C12orf42: variants seen among roughly 807,000 people sequenced by gnomAD.
The protein encoded by C12orf42 is chromosome 12 open reading frame 42.
Under a neutral mutation model 21.6 loss-of-function variants are expected in C12orf42, and 25 were observed. That is an observed-to-expected ratio of 1.16 (90% CI 0.84 to 1.62). The LOEUF is 1.62. Among genes scored for constraint, C12orf42 ranks in the 40% most tolerant of loss-of-function variants. The pLI is 0.00. For missense variants in C12orf42, 483 were observed against 459.3 expected, an observed-to-expected ratio of 1.05 and a Z score of -0.47; for synonymous variants, 174 against 175.0, an observed-to-expected ratio of 0.99 and a Z score of 0.05.
the C12orf42 span, among the ~76,000 whole-genome samples, chr12:103,540,508 A>G: frequency 6.6e-6 from 1 of 152,114 alleles, no homozygotes; most frequent in African/African-American, 2.4e-5. Context: ...TAGAATGTTT[A>G]TATTTTTCCC....
rs12423213 is a variant in C12orf42 at position 103,331,845 on chromosome 12, A to G, written c.260-25500T>C. Reference sequence around the variant, plus strand: ...AGGGTATCTATAGTCATTGCCCACAAGGGGGAAGACACAGGATAGCAGTAT... The same window carrying G: ...AGGGTATCTATAGTCATTGCCCACAGGGGGGAAGACACAGGATAGCAGTAT... On this transcript the variant is annotated intron_variant, in intron 4 of 5. Transcript: ENST00000548883. 0.013 allele frequency among the ~76,000 whole-genome samples: 1,996 copies of G among 152,288 alleles called. 131 individuals carry two copies. The East Asian group carries it at 0.22, about 17-fold the overall frequency.
chr12:103,285,557 C>A (rs1446335160), intron 4 of C12orf42, among the ~76,000 whole-genome samples: 6 of 151,912 alleles, frequency 3.9e-5, no homozygotes, highest in Admixed American at 2.6e-4. Context: ...AAGGAAGAAG[C>A]CTTTGATAGA....
the C12orf42 span, among the ~76,000 whole-genome samples, chr12:103,180,214 CT>C: frequency 2.0e-5 from 3 of 151,772 alleles, no homozygotes; most frequent in Non-Finnish European, 4.4e-5. Flanking sequence ...TGGTTTGTGG[CT>C]CTTCAAAGGG....
the C12orf42 span, among the ~76,000 whole-genome samples, chr12:103,217,511 A>G: frequency 6.7e-6 from 1 of 149,926 alleles, no homozygotes; most frequent in Admixed American, 6.6e-5. Flanking sequence ...CTTAGGGGTG[A>G]CAGAGTGAGA....
At chr12:103,318,407 A>G (rs1338928183) in intron 4 of C12orf42, among the ~76,000 whole-genome samples, 1 of 152,178 alleles carries the variant, frequency 6.6e-6, no homozygotes, top group East Asian at 1.9e-4. Flanking sequence ...CTTCAATCTT[A>G]TTATAGAATA....
the C12orf42 span, among the ~76,000 whole-genome samples, chr12:103,083,092 C>T: frequency 6.6e-5 from 10 of 152,084 alleles, no homozygotes; most frequent in African/African-American, 2.4e-4. Flanking sequence ...TGACTGGGCA[C>T]GGTGGCTGAC....
intron 2 of C12orf42, among the ~76,000 whole-genome samples, chr12:103,459,749 T>G (rs542366193): frequency 1.3e-5 from 2 of 152,328 alleles, no homozygotes; most frequent in South Asian, 2.1e-4. Flanking sequence ...AAGGGACACT[T>G]AGATAAAGCC....
At chr12:103,108,657 G>T in the C12orf42 span, among the ~76,000 whole-genome samples, 378 of 152,194 alleles carry the variant, frequency 2.5e-3, 1 homozygote, top group Non-Finnish European at 4.0e-3. Context: ...CATAAGTATT[G>T]ATAGAAGCAT....
intron 4 of C12orf42, among the ~76,000 whole-genome samples, chr12:103,319,698 A>G (rs1477074739): frequency 6.6e-6 from 1 of 152,244 alleles, no homozygotes; most frequent in Non-Finnish European, 1.5e-5. Flanking sequence ...TGGCCAATAC[A>G]TCTTCTAACA....
intron 2 of C12orf42, among the ~76,000 whole-genome samples, chr12:103,417,158 C>T (rs1436059194): frequency 1.3e-5 from 2 of 152,282 alleles, no homozygotes; most frequent in Non-Finnish European, 2.9e-5. Context: ...CATAACTTCC[C>T]TCTTCTGTCT....
intron 1 of C12orf42, among the ~76,000 whole-genome samples, chr12:103,488,318 C>G (rs1204527904): frequency 3.3e-5 from 5 of 152,218 alleles, no homozygotes; most frequent in Non-Finnish European, 5.9e-5. Context: ...GCCGAGATAT[C>G]TGCTGTTAGT....
At chr12:103,216,366 C>CT in the C12orf42 span, among the ~76,000 whole-genome samples, 1 of 149,976 alleles carries the variant, frequency 6.7e-6, no homozygotes, top group South Asian at 2.1e-4. Context: ...GAGAACAATA[C>CT]TTTTTTTTCT....
chr12:103,216,629 C>T, the C12orf42 span, among the ~76,000 whole-genome samples: 1 of 151,992 alleles, frequency 6.6e-6, no homozygotes, highest in Admixed American at 6.6e-5. Context: ...CCACCCGCCT[C>T]GGCCTCCTAA....
intron 2 of C12orf42, among the ~76,000 whole-genome samples, chr12:103,449,795 A>T (rs1951821750): frequency 1.3e-5 from 2 of 151,240 alleles, no homozygotes; most frequent in Admixed American, 6.6e-5. Flanking sequence ...ATTTTTTTCT[A>T]GTTCCATTTG....
chr12:103,178,082 A>G, the C12orf42 span: 9 of 152,150 alleles, frequency 5.9e-5, no homozygotes, highest in Non-Finnish European at 1.2e-4. Context: ...GCGACGGCGA[A>G]GAAAGGAAGG....
the C12orf42 span, among the ~76,000 whole-genome samples, chr12:103,206,820 T>C: frequency 5.3e-5 from 8 of 152,184 alleles, no homozygotes; most frequent in African/African-American, 1.7e-4. Flanking sequence ...CCATCCATAA[T>C]ATGATGGTCT....
the C12orf42 span, among the ~76,000 whole-genome samples, chr12:103,112,161 G>C: frequency 6.6e-6 from 1 of 152,198 alleles, no homozygotes; most frequent in African/African-American, 2.4e-5. Context: ...TTTCTAGCCT[G>C]TGGATGTGGG....
intron 3 of C12orf42, among the ~76,000 whole-genome samples, chr12:103,380,117 G>A (rs964299368): frequency 6.6e-6 from 1 of 152,130 alleles, no homozygotes; most frequent in South Asian, 2.1e-4. Flanking sequence ...TCTATGGCTT[G>A]TTCCACCATG....
At chr12:103,079,032 A>G in the C12orf42 span, among the ~76,000 whole-genome samples, 3 of 152,224 alleles carry the variant, frequency 2.0e-5, no homozygotes, top group Non-Finnish European at 4.4e-5. Flanking sequence ...ATATCTGTGA[A>G]GACACCACAT....
Sources: gnomAD v4.1 joint callset for allele counts (sites outside exome capture counted in the v4.1 genomes callset) on GRCh38, gnomAD v4.1.1 for gene constraint, MANE v1.5 for transcripts, NCBI Gene and HGNC (gene_info 2026-07-23, HGNC 2026-07-21) for gene names.